Variants in KIF1A observed in about 807,000 individuals in gnomAD.
KIF1A encodes kinesin family member 1A.
A neutral mutation model predicts 227.3 loss-of-function variants in KIF1A; 46 were observed. That is an observed-to-expected ratio of 0.20 (90% CI 0.16 to 0.26). The LOEUF (loss-of-function observed/expected upper bound fraction) is 0.26, where lower values mean the gene tolerates loss of function less well. Among genes scored for constraint, KIF1A ranks in the 10% least tolerant of loss-of-function variants. The pLI is 1.00. For synonymous variants in KIF1A, 1,022 were observed against 1,012.8 expected, an observed-to-expected ratio of 1.01 and a Z score of -0.17; for missense variants, 1,683 against 2,485.9, an observed-to-expected ratio of 0.68 and a Z score of 6.87.
At chr2:240,802,892 A>C (rs1429457691) in intron 1 of KIF1A, among the ~76,000 whole-genome samples, 1 of 152,198 alleles carries the variant, frequency 6.6e-6, no homozygotes, top group Non-Finnish European at 1.5e-5. Context: ...AGCTCCCCAA[A>C]GTGCTGGGAT....
At chr2:240,720,280 G>T in intron 45 of KIF1A, 1 of 194,264 alleles carries the variant, frequency 5.1e-6, no homozygotes, top group Non-Finnish European at 1.0e-5. Context: ...TAGACTGAAG[G>T]TGACACGAGG....
chr2:240,782,248 T>C (rs2054142936), intron 10 of KIF1A: 12 of 965,764 alleles, frequency 1.2e-5, no homozygotes, highest in Non-Finnish European at 1.4e-5. Context: ...CTCTCAGGGC[T>C]CCCCAGCCCT....
intron 14 of KIF1A, among the ~76,000 whole-genome samples, chr2:240,771,542 A>G (rs1026611982): frequency 1.1e-4 from 16 of 151,982 alleles, no homozygotes; most frequent in African/African-American, 3.9e-4. Context: ...TACAGCCCCC[A>G]CACCTGAGGG....
rs1293986291 is a variant in KIF1A at position 240,783,834 on chromosome 2, T to C, written c.721-18A>G. ...TTGCTCACCTGAAACAGTAGATACA[T>C]CACATGCAGGAAAGGCCACAAGATG... On this transcript the variant is annotated intron_variant, in intron 7 of 48. Transcript: ENST00000498729. 6.4e-7 allele frequency: 1 copy of C among 1,572,228 alleles called. No homozygotes were observed. Among genetic ancestry groups the C allele is most frequent in the Non-Finnish European group, 8.6e-7 (1 of 1,156,198 alleles).
intron 45 of KIF1A, 100 bp from the exon 46 acceptor site, chr2:240,720,026 G>C: frequency 5.7e-6 from 7 of 1,227,698 alleles, no homozygotes; most frequent in Non-Finnish European, 6.6e-6. Context: ...AGAAGGTGCA[G>C]TAGGGCACCT....
rs1314580146 is a variant in KIF1A, at chr2:240,743,964, G to A, written c.3562C>T (p.Pro1188Ser). The A allele has an allele frequency of 2.5e-6, 4 of 1,613,316 alleles. No individual in the cohort carries two copies. The East Asian group carries it at 6.7e-5, about 27-fold the overall frequency. ...AACCTGAGCACGTCCTTGCAGAGGG[G>A]CGGGAACGGGTGCTGCTGGTAGTGG... ...FGHYQQHPFP[P>S]LCKDVLSPLR... The change falls in exon 33 of 49, where the codon CCC becomes TCC. Residue 1188 changes from proline to serine, a missense_variant. Around this residue, in one of 12 missense-constraint regions of KIF1A, gnomAD observed 759 missense variants for 1,020.2 expected, o/e 0.74. Coordinates refer to ENST00000498729, the MANE Select transcript of KIF1A (RefSeq NM_001244008.2).
chr2:240,786,114 G>A (rs1194229955), intron 6 of KIF1A, among the ~76,000 whole-genome samples: 1 of 152,224 alleles, frequency 6.6e-6, no homozygotes, highest in East Asian at 1.9e-4. Context: ...CCCCATGAAG[G>A]AGAAGCCCCA....
In KIF1A at chr2:240,737,193, G is replaced by A; in HGVS notation, c.3902-25C>T. The A allele has an allele frequency of 1.9e-6, 3 of 1,599,614 alleles. No individual in the cohort carries two copies. The South Asian group carries it at 3.3e-5, about 18-fold the overall frequency. The stretch of plus-strand genomic sequence containing the variant: ...CCTGCAGAAAAGGCAACGGGCCACA[G>A]GTCACTTCCCAGGGGGCAGGTGGGA... On this transcript the variant is annotated intron_variant, in intron 37 of 48. Coordinates refer to ENST00000498729, the MANE Select transcript of KIF1A (RefSeq NM_001244008.2).
Position 240,784,994 on chromosome 2 carries a change from C to T in KIF1A, c.715G>A (p.Glu239Lys), listed in dbSNP as rs1231775359. 8.1e-6 allele frequency: 13 copies of T among 1,612,382 alleles called. No individual in the cohort carries two copies. Among genetic ancestry groups the T allele is most frequent in the African/African-American group, 4.0e-5 (3 of 74,926 alleles). The change falls in exon 7 of 49, where the codon GAG becomes AAG. Residue 239 changes from glutamate (E) to lysine (K), a missense_variant. By Grantham distance (56) the Glu-to-Lys change is moderately conservative. Coordinates refer to ENST00000498729, the MANE Select transcript of KIF1A (RefSeq NM_001244008.2). ...CTGTGAGGCCACTCACTCACCTTCT[C>T]CGTGGTGATATTGGTCTCTGCGTCA... ...RHDAETNITT[E>K]KVSKISLVDL... is the part of the protein sequence containing the mutation.
At chr2:240,783,695 G>T in intron 8 of KIF1A, 44 bp downstream of exon 8, 1 of 1,485,350 alleles carries the variant, frequency 6.7e-7, no homozygotes. Flanking sequence ...TCTGGAGCAG[G>T]CCAAATGTGG....
chr2:240,816,082 T>C (rs543567654), intron 1 of KIF1A, among the ~76,000 whole-genome samples: 20 of 151,846 alleles, frequency 1.3e-4, no homozygotes, highest in Admixed American at 3.3e-4. Context: ...AAACCTAATG[T>C]GGAGGTTGAG....
At chr2:240,762,981 T>C in intron 22 of KIF1A, 38 bp downstream of exon 22, 1 of 657,120 alleles carries the variant, frequency 1.5e-6, no homozygotes, top group Non-Finnish European at 2.0e-6. Context: ...CTGGTGTGGG[T>C]GGGGGCTGGG....
At chr2:240,741,543 C>A (rs1262528365) in intron 34 of KIF1A, among the ~76,000 whole-genome samples, 166 bp from the exon 35 acceptor site, 1 of 152,242 alleles carries the variant, frequency 6.6e-6, no homozygotes, top group East Asian at 1.9e-4. Flanking sequence ...TCCCAAGATA[C>A]ACCGGGTCCT....
In KIF1A at chr2:240,720,935, C is replaced by T. The variant is rs770999382; in HGVS notation, c.4847G>A (p.Arg1616Gln). 1.6e-5 allele frequency: 26 copies of T among 1,584,522 alleles called. No homozygotes were observed. The highest frequency in any genetic ancestry group is 2.1e-5 in the Non-Finnish European group (24 of 1,165,502). ...TCACCTCAGGTCAGTGGCACCGTAC[C>T]GCCCTTCAACCAGAGAGGGGCAAGT... ...SSTCPSLVEG[R>Q]YGATDLRTPQ... Residue 1616 changes from arginine to glutamine, a missense_variant, in exon 45 of 49, where the codon CGG becomes CAG. By Grantham distance (43) the Arg-to-Gln change is conservative. Coordinates refer to ENST00000498729, the MANE Select transcript of KIF1A (RefSeq NM_001244008.2).
At chr2:240,745,596 G>A (rs943909312) in intron 31 of KIF1A, 79 bp from the exon 32 acceptor site, 11 of 1,478,586 alleles carry the variant, frequency 7.4e-6, no homozygotes, top group South Asian at 2.5e-5. Flanking sequence ...CACCTCACAC[G>A]AGGGCGCTGG....
chr2:240,784,474 C>G (rs549674693), intron 7 of KIF1A, among the ~76,000 whole-genome samples: 1 of 152,342 alleles, frequency 6.6e-6, no homozygotes, highest in African/African-American at 2.4e-5. Flanking sequence ...CCATCCTGAG[C>G]CCCCGCTCAC....
chr2:240,741,375 G>A lies in KIF1A; in HGVS notation c.3643C>T (p.Pro1215Ser). ...PRVMPLSKPVPATKLSTLTRP... is the reference protein window; with the variant it reads ...PRVMPLSKPVSATKLSTLTRP... ...GTCAGTGTGCTGAGCTTGGTGGCGG[G>A]CACTGTAGGGACAGGAGGGAGGCAT... Residue 1215 changes from proline to serine, a missense_variant and splice_region_variant, in exon 35 of 49, where the codon CCC becomes TCC. Coordinates refer to ENST00000498729, the MANE Select transcript of KIF1A (RefSeq NM_001244008.2). The A allele has an allele frequency of 6.4e-7, 1 of 1,564,146 alleles. No homozygotes were observed. Among genetic ancestry groups the A allele is most frequent in the Non-Finnish European group, 8.6e-7 (1 of 1,159,142 alleles).
In KIF1A at chr2:240,788,270, T is replaced by G. The variant is rs1264307320; in HGVS notation, c.184-40A>C. The G allele has an allele frequency of 1.3e-6, 2 of 1,595,400 alleles. No homozygotes were observed. Among genetic ancestry groups the G allele is most frequent in the Non-Finnish European group, 1.7e-6 (2 of 1,165,760 alleles). On this transcript the variant is annotated intron_variant, in intron 3 of 48. Transcript: ENST00000498729. The surrounding 1 kb of genome is among the most constrained non-coding windows in gnomAD (Gnocchi z 6.6). The stretch of plus-strand genomic sequence containing the variant: ...AGGAATGAAGTTGCAGGAGGCTGGG[T>G]GCATCCGAGGCTCAGCCCATCATGT...
rs1390537317 is a variant in KIF1A, at chr2:240,724,931, C to CGGGGGGG, written c.4256+339_4256+340insCCCCCCC. 3 of 41,924 alleles carry CGGGGGGG rather than the reference C, an allele frequency of 7.2e-5. 1 individual carries two copies. The highest frequency in any genetic ancestry group is 1.0e-4 in the African/African-American group (1 of 10,028). The allele number at this position is 41,924 out of a possible 1,614,324, so 2.6% of individuals were successfully genotyped here. On this transcript the variant is annotated intron_variant, in intron 40 of 48. Coordinates refer to ENST00000498729, the MANE Select transcript of KIF1A (RefSeq NM_001244008.2). ...GGTCCTCAGGGAAGAAGGTCACCGG[C>CGGGGGGG]GGCGGGGGGGGGGGGGGGGGAACGG...
Sources: gnomAD v4.1 joint callset for allele counts (sites outside exome capture counted in the v4.1 genomes callset) on GRCh38, gnomAD v4.1.1 for gene constraint, gnomAD v4.1.1 regional missense constraint, Gnocchi (gnomAD v3.1) non-coding constraint, MANE v1.5 for transcripts, NCBI Gene and HGNC (gene_info 2026-07-23, HGNC 2026-07-21) for gene names.